Variants in ARHGAP39 observed in about 807,000 individuals in gnomAD.
ARHGAP39 encodes rho GTPase-activating protein 39.
ARHGAP39 carries 44 observed loss-of-function variants against 106.9 expected under a neutral mutation model. That is an observed-to-expected ratio of 0.41 (90% CI 0.32 to 0.53). ARHGAP39 has a LOEUF of 0.53. Among genes scored for constraint, ARHGAP39 ranks in the 20% least tolerant of loss-of-function variants. The pLI is 0.21. For missense variants in ARHGAP39, 1,496 were observed against 1,577.3 expected (o/e 0.95, Z 0.87); for synonymous variants, 768 against 693.2 (o/e 1.11, Z -1.69).
chr8:144,553,546 C>T (rs1251068131), intron 4 of ARHGAP39, among the ~76,000 whole-genome samples: 3 of 152,266 alleles, frequency 2.0e-5, no homozygotes, highest in Non-Finnish European at 2.9e-5. Flanking sequence ...ACAAGCCCCC[C>T]GAGGCAGTAC....
At chr8:144,606,150 G>A (rs1820284092) in intron 1 of ARHGAP39, among the ~76,000 whole-genome samples, 1 of 152,266 alleles carries the variant, frequency 6.6e-6, no homozygotes, top group African/African-American at 2.4e-5. Context: ...AGTCACTGGG[G>A]AAGGACACGG....
chr8:144,564,292 C>G (rs1050203002), intron 3 of ARHGAP39, among the ~76,000 whole-genome samples: 4 of 152,200 alleles, frequency 2.6e-5, no homozygotes, highest in African/African-American at 9.7e-5. Context: ...TGAGCAGCAG[C>G]ACTGGCCCCC....
chr8:144,659,386 C>T (rs568585711), intron 1 of ARHGAP39, among the ~76,000 whole-genome samples: 42 of 152,286 alleles, frequency 2.8e-4, no homozygotes, highest in African/African-American at 9.1e-4. Context: ...TATGATCAAA[C>T]GATGTTGCCT....
chr8:144,677,278 A>G (rs1015437656), intron 1 of ARHGAP39, among the ~76,000 whole-genome samples: 2 of 152,242 alleles, frequency 1.3e-5, no homozygotes, highest in Non-Finnish European at 2.9e-5. Context: ...CACTCAACCA[A>G]AAGAACACAC....
intron 1 of ARHGAP39, among the ~76,000 whole-genome samples, chr8:144,669,299 G>A (rs1822038628): frequency 7.0e-6 from 1 of 143,796 alleles, no homozygotes; most frequent in Non-Finnish European, 1.5e-5. Flanking sequence ...GAGGTCAGGA[G>A]ATTTTAGACC....
chr8:144,667,798 T>C (rs944728534), intron 1 of ARHGAP39, among the ~76,000 whole-genome samples: 13 of 152,198 alleles, frequency 8.5e-5, no homozygotes, highest in Admixed American at 7.9e-4. Flanking sequence ...ACTGCATGCA[T>C]TGTTCTGAGG....
chr8:144,553,429 C>T (rs779499586), intron 4 of ARHGAP39, among the ~76,000 whole-genome samples: 1 of 152,224 alleles, frequency 6.6e-6, no homozygotes, highest in South Asian at 2.1e-4. Context: ...ACAGAGCACG[C>T]GCGTTTCAGC....
At chr8:144,686,124 A>G (rs1265703365), upstream of ARHGAP39, among the ~76,000 whole-genome samples, 2 of 150,742 alleles carry the variant, frequency 1.3e-5, no homozygotes, top group Non-Finnish European at 3.0e-5. Context: ...AGCAGTTACC[A>G]TCTGACACGT....
intron 2 of ARHGAP39, among the ~76,000 whole-genome samples, chr8:144,592,578 A>G (rs1238020681): frequency 2.3e-5 from 3 of 131,612 alleles, no homozygotes; most frequent in African/African-American, 9.0e-5. Context: ...CTCCTGGGGG[A>G]CAGCACTGAG....
chr8:144,545,208 C>T (rs759173137), intron 6 of ARHGAP39, 41 bp downstream of exon 6: 14 of 1,472,636 alleles, frequency 9.5e-6, no homozygotes, highest in Non-Finnish European at 1.1e-5. Context: ...CTCTCCACTG[C>T]CCTTACCTGA....
chr8:144,688,286 G>T (rs2129800269), upstream of ARHGAP39, among the ~76,000 whole-genome samples: 1 of 152,122 alleles, frequency 6.6e-6, no homozygotes, highest in Non-Finnish European at 1.5e-5. Flanking sequence ...TGTATTTTTA[G>T]TAGAAATAGG....
At chr8:144,690,782 C>T (rs1400214014), upstream of ARHGAP39, among the ~76,000 whole-genome samples, 1 of 150,230 alleles carries the variant, frequency 6.7e-6, no homozygotes, top group East Asian at 1.9e-4. Context: ...GTAGCTGGAA[C>T]TACAGGCACA....
chr8:144,543,405 C>T (rs1371503335), intron 6 of ARHGAP39, among the ~76,000 whole-genome samples: 1 of 152,198 alleles, frequency 6.6e-6, no homozygotes, highest in Non-Finnish European at 1.5e-5. Context: ...GGCCTCTCTT[C>T]TGGGCTCAGG....
At chr8:144,689,176 C>T (rs183107750), upstream of ARHGAP39, among the ~76,000 whole-genome samples, 1 of 152,078 alleles carries the variant, frequency 6.6e-6, no homozygotes, top group East Asian at 1.9e-4. Flanking sequence ...TGTTCCTCTC[C>T]TAGGGAGGTG....
intron 1 of ARHGAP39, among the ~76,000 whole-genome samples, chr8:144,619,464 G>C (rs936473979): frequency 2.6e-5 from 4 of 151,946 alleles, no homozygotes; most frequent in African/African-American, 9.7e-5. Context: ...GTGTGCGCGT[G>C]AGCTCGTGTG....
intron 1 of ARHGAP39, among the ~76,000 whole-genome samples, chr8:144,622,884 C>T (rs1197687013): frequency 6.6e-6 from 1 of 152,196 alleles, no homozygotes; most frequent in African/African-American, 2.4e-5. Flanking sequence ...TGGGCCAGGC[C>T]TGGTTGCTGA....
At chr8:144,530,932 G>A in intron 10 of ARHGAP39, 61 bp from the exon 11 acceptor site, 1 of 1,551,758 alleles carries the variant, frequency 6.4e-7, no homozygotes, top group Non-Finnish European at 8.7e-7. Flanking sequence ...GCCAAATGGG[G>A]TCCCGTGGCG....
chr8:144,666,208 A>G (rs193040560), intron 1 of ARHGAP39, among the ~76,000 whole-genome samples: 2 of 152,282 alleles, frequency 1.3e-5, no homozygotes, highest in Non-Finnish European at 2.9e-5. Context: ...GTATTTACCT[A>G]AAACCTGTAC....
At position 144,529,396 on chromosome 8, in the gene ARHGAP39, C is replaced by T. The variant is rs1484914388; in HGVS notation, c.*1026G>A. 1.3e-5 allele frequency: 2 copies of T among 152,648 alleles called. No individual in the cohort carries two copies. The highest frequency in any genetic ancestry group is 2.4e-5 in the African/African-American group (1 of 41,458). The allele number at this position is 152,648 out of a possible 1,614,324, so 9.5% of individuals were successfully genotyped here. A position where few individuals can be genotyped will look rare whatever the true frequency, so the allele number is the denominator to read the frequency against. ...ACTGGGGAGAAATTAAGTTTTACAA[C>T]AATTGGAACTCAAAATTCCAAAATG... On this transcript the variant is annotated 3_prime_UTR_variant, in exon 12 of 12. Transcript: ENST00000377307.
Sources: gnomAD v4.1 joint callset for allele counts (sites outside exome capture counted in the v4.1 genomes callset) on GRCh38, gnomAD v4.1.1 for gene constraint, MANE v1.5 for transcripts, NCBI Gene and HGNC (gene_info 2026-07-23, HGNC 2026-07-21) for gene names.